Variants in RBFOX1 observed in about 807,000 individuals in gnomAD.
RBFOX1 encodes the protein RNA binding fox-1 homolog 1, also known as RNA binding protein fox-1 homolog 1.
Under a neutral mutation model 57.7 loss-of-function variants are expected in RBFOX1, and 8 were observed. That is an observed-to-expected ratio of 0.14 (90% confidence interval 0.08 to 0.25). RBFOX1 has a LOEUF of 0.25. Ranked by LOEUF, RBFOX1 falls within the 10% of genes least tolerant of loss-of-function variation. The pLI, the probability that RBFOX1 is intolerant of heterozygous loss-of-function variation, is 1.00. For missense variants in RBFOX1, 611 were observed against 548.5 expected (o/e 1.11, Z -1.14); for synonymous variants, 326 against 222.4 (o/e 1.47, Z -4.15).
Position 7,405,502 on chromosome 16 carries a change from T to C in RBFOX1, c.28-112645T>C, listed in dbSNP as rs117737453. 4.9e-4 allele frequency among the ~76,000 whole-genome samples: 74 copies of C among 152,320 alleles called. 2 individuals are homozygous for C. In the East Asian group the frequency reaches 0.014, roughly 28 times the overall value. ...GGCTGTTCTGAAGGCAGCAATTAAA[T>C]GAGTTATGCTGACCGGAGCAACCCT... On this transcript the variant is annotated intron_variant, in intron 4 of 15. Coordinates refer to ENST00000550418, the MANE Select transcript of RBFOX1 (RefSeq NM_018723.4).
intron 3 of RBFOX1, among the ~76,000 whole-genome samples, chr16:5,864,092 C>G (rs1422676013): frequency 2.0e-5 from 3 of 152,138 alleles, no homozygotes; most frequent in Admixed American, 6.5e-5. Flanking sequence ...GTGTATTGTT[C>G]CTTTCTATGT....
chr16:5,499,647 A>G (rs1322218417), intron 2 of RBFOX1, among the ~76,000 whole-genome samples: 2 of 150,402 alleles, frequency 1.3e-5, no homozygotes, highest in Non-Finnish European at 2.9e-5. Flanking sequence ...ATCTCAGCTC[A>G]CTGCAGTCTC....
chr16:5,329,900 G>T (rs1008563213), intron 1 of RBFOX1, among the ~76,000 whole-genome samples: 1 of 151,614 alleles, frequency 6.6e-6, no homozygotes, highest in South Asian at 2.1e-4. Flanking sequence ...ATGTGATGGC[G>T]TGAATCCGGG....
chr16:6,543,433 C>T (rs1428341310), intron 2 of RBFOX1, among the ~76,000 whole-genome samples: 1 of 152,114 alleles, frequency 6.6e-6, no homozygotes, highest in East Asian at 1.9e-4. Context: ...TGATTCAAGC[C>T]TGCTTGCAGA....
chr16:5,406,073 A>G (rs1056850193), intron 1 of RBFOX1, among the ~76,000 whole-genome samples: 4 of 152,346 alleles, frequency 2.6e-5, no homozygotes, highest in African/African-American at 9.6e-5. Context: ...AACCAAAGGC[A>G]TTCCAACTTA....
intron 1 of RBFOX1, among the ~76,000 whole-genome samples, chr16:5,328,500 C>A (rs931905613): frequency 1.3e-5 from 2 of 152,224 alleles, no homozygotes; most frequent in African/African-American, 2.4e-5. Context: ...TGATGGAATG[C>A]CTTCAAGAAT....
intron 4 of RBFOX1, among the ~76,000 whole-genome samples, chr16:5,870,045 A>C (rs1057164771): frequency 2.0e-5 from 3 of 151,852 alleles, no homozygotes; most frequent in African/African-American, 7.2e-5. Flanking sequence ...TTAGTAATAT[A>C]ATATTATAAG....
intron 4 of RBFOX1, among the ~76,000 whole-genome samples, chr16:7,500,359 C>T (rs1009002905): frequency 2.0e-5 from 3 of 152,146 alleles, no homozygotes; most frequent in African/African-American, 7.2e-5. Context: ...TTGGGTTGTA[C>T]TGAATTTGTA....
intron 3 of RBFOX1, among the ~76,000 whole-genome samples, chr16:6,686,965 A>T (rs185726916): frequency 1.1e-3 from 169 of 152,306 alleles, no homozygotes; most frequent in African/African-American, 3.9e-3. Flanking sequence ...ATATGATGTG[A>T]AAATACTCAT....
At chr16:6,863,232 C>G (rs965084343) in intron 3 of RBFOX1, among the ~76,000 whole-genome samples, 1 of 152,058 alleles carries the variant, frequency 6.6e-6, no homozygotes, top group Non-Finnish European at 1.5e-5. Flanking sequence ...AACATTCCAA[C>G]CTAAAGGCAA....
At chr16:6,867,531 C>A (rs1446894447) in intron 3 of RBFOX1, among the ~76,000 whole-genome samples, 1 of 152,020 alleles carries the variant, frequency 6.6e-6, no homozygotes, top group Admixed American at 6.6e-5. Flanking sequence ...TCAGCCTGGC[C>A]AACATGGCAA....
chr16:7,072,476 C>G (rs923830878), intron 4 of RBFOX1, among the ~76,000 whole-genome samples: 3 of 152,194 alleles, frequency 2.0e-5, no homozygotes, highest in Non-Finnish European at 2.9e-5. Context: ...ACTCTACTCT[C>G]TACTGCCTAT....
chr16:5,923,077 CGCT>C (rs1292939961), intron 4 of RBFOX1, among the ~76,000 whole-genome samples: 1 of 152,120 alleles, frequency 6.6e-6, no homozygotes, highest in African/African-American at 2.4e-5. Flanking sequence ...TAACCTCTTC[CGCT>C]GCTTGCTGGA....
chr16:5,536,700 G>A (rs1004495769), intron 2 of RBFOX1, among the ~76,000 whole-genome samples: 17 of 152,078 alleles, frequency 1.1e-4, no homozygotes, highest in African/African-American at 3.9e-4. Context: ...TAGCAGAGAA[G>A]GGAAATGGAA....
At chr16:6,026,180 T>G (rs1238089275) in intron 1 of RBFOX1, among the ~76,000 whole-genome samples, 1 of 152,186 alleles carries the variant, frequency 6.6e-6, no homozygotes, top group Non-Finnish European at 1.5e-5. Context: ...GTGACTCTGT[T>G]TTATCCTTTT....
At chr16:6,269,885 C>T (rs991268243) in intron 1 of RBFOX1, among the ~76,000 whole-genome samples, 2 of 152,072 alleles carry the variant, frequency 1.3e-5, no homozygotes, top group Non-Finnish European at 2.9e-5. Context: ...AATTATAATA[C>T]CATCTGATGT....
At chr16:7,164,620 T>G (rs2079051989) in intron 4 of RBFOX1, among the ~76,000 whole-genome samples, 1 of 152,202 alleles carries the variant, frequency 6.6e-6, no homozygotes, top group African/African-American at 2.4e-5. Flanking sequence ...TAACGTGTAA[T>G]TTCTTTTCTG....
At chr16:6,093,682 C>T (rs2096207652) in intron 1 of RBFOX1, among the ~76,000 whole-genome samples, 1 of 152,094 alleles carries the variant, frequency 6.6e-6, no homozygotes, top group African/African-American at 2.4e-5. Context: ...AGTGCAGTGG[C>T]TCAAGTGTAG....
intron 2 of RBFOX1, among the ~76,000 whole-genome samples, chr16:6,359,153 C>G (rs924609401): frequency 6.6e-6 from 1 of 152,084 alleles, no homozygotes; most frequent in Non-Finnish European, 1.5e-5. Flanking sequence ...AGTGCAGTGG[C>G]ACGATCTCAG....
Sources: allele counts gnomAD v4.1 joint callset (sites outside exome capture counted in the v4.1 genomes callset), GRCh38; gene constraint gnomAD v4.1.1; transcripts MANE v1.5; gene names NCBI Gene and HGNC (gene_info 2026-07-23, HGNC 2026-07-21).